The following SH3KBP1 variants were observed in gnomAD, a reference collection of about 807,000 sequenced individuals.
SH3KBP1 encodes SH3 domain-containing kinase-binding protein 1.
Under a neutral mutation model 50.1 loss-of-function variants are expected in SH3KBP1, and 8 were observed. The observed-to-expected ratio is 0.16, with a 90% CI of 0.09 to 0.29. The LOEUF is 0.29. SH3KBP1 is among the 10% of genes least tolerant of loss of function. The pLI, the probability that SH3KBP1 is intolerant of heterozygous loss-of-function variation, is 1.00. For synonymous variants in SH3KBP1, 227 were observed against 218.6 expected (o/e 1.04, Z -0.34); for missense variants, 377 against 535.2 (o/e 0.70, Z 2.92).
At chrX:19,551,062 G>A (rs1434672390) in intron 13 of SH3KBP1, among the ~76,000 whole-genome samples, 8 of 111,603 alleles carry the variant, frequency 7.2e-5, no homozygotes, top group Non-Finnish European at 1.1e-4. Flanking sequence ...TAAGTGGTCT[G>A]GCTGTATGAC....
intron 2 of SH3KBP1, among the ~76,000 whole-genome samples, chrX:19,826,725 C>T (rs1231917357): frequency 4.6e-5 from 5 of 109,838 alleles, no homozygotes; most frequent in Non-Finnish European, 9.5e-5. Flanking sequence ...CATAACATAA[C>T]ATAACATAAC....
At chrX:19,567,195 C>CTG (rs201847990) in intron 13 of SH3KBP1, among the ~76,000 whole-genome samples, 3,632 of 108,800 alleles carry the variant, frequency 0.033, 160 homozygotes, top group African/African-American at 0.11. Context: ...TATGTCTTGA[C>CTG]TGGTGGTAGA....
intron 2 of SH3KBP1, among the ~76,000 whole-genome samples, chrX:19,753,631 A>G (rs1810945805): frequency 9.0e-6 from 1 of 111,615 alleles, no homozygotes; most frequent in Non-Finnish European, 1.9e-5. Context: ...GGGAAGACAC[A>G]GCAAGTATTC....
intron 8 of SH3KBP1, among the ~76,000 whole-genome samples, chrX:19,613,412 G>A (rs1404987247): frequency 1.8e-5 from 2 of 111,877 alleles, no homozygotes; most frequent in South Asian, 3.7e-4. Flanking sequence ...TGTAGATGAC[G>A]CTTCCAGAAA....
chrX:19,616,736 T>C (rs1438642080), intron 8 of SH3KBP1, among the ~76,000 whole-genome samples: 1 of 111,253 alleles, frequency 9.0e-6, no homozygotes, highest in Non-Finnish European at 1.9e-5. Flanking sequence ...TTTTTAGGCT[T>C]TGTTACAATG....
chrX:19,624,624 T>C (rs2148232523), intron 8 of SH3KBP1, among the ~76,000 whole-genome samples: 1 of 112,176 alleles, frequency 8.9e-6, no homozygotes, highest in African/African-American at 3.2e-5. Flanking sequence ...TTTAAAACTA[T>C]GTCTGTGTGA....
intron 2 of SH3KBP1, among the ~76,000 whole-genome samples, chrX:19,779,120 A>T (rs185381281): frequency 5.5e-5 from 6 of 108,338 alleles, no homozygotes; most frequent in African/African-American, 2.0e-4. Context: ...ATATGACAAA[A>T]CCCTGTCTCT....
intron 6 of SH3KBP1, among the ~76,000 whole-genome samples, chrX:19,658,894 A>G (rs1051901043): frequency 3.6e-5 from 4 of 110,446 alleles, no homozygotes; most frequent in African/African-American, 1.3e-4. Context: ...TATTAGAAAT[A>G]ATGAGTTCAA....
chrX:19,611,565 G>C (rs945287978), intron 8 of SH3KBP1, among the ~76,000 whole-genome samples: 2 of 111,484 alleles, frequency 1.8e-5, no homozygotes, highest in African/African-American at 6.5e-5. Flanking sequence ...TGTTGGCCAG[G>C]CTGGTCTCGA....
chrX:19,578,435 C>T (rs2066271362), intron 12 of SH3KBP1, among the ~76,000 whole-genome samples: 1 of 111,778 alleles, frequency 8.9e-6, no homozygotes. Flanking sequence ...CTTATAACAT[C>T]TCAGACTTCA....
At chrX:19,665,475 C>T (rs1254276312) in intron 6 of SH3KBP1, among the ~76,000 whole-genome samples, 1 of 111,948 alleles carries the variant, frequency 8.9e-6, no homozygotes, top group Non-Finnish European at 1.9e-5. Context: ...AATTCCAGCA[C>T]ACTTTTATTT....
intron 2 of SH3KBP1, among the ~76,000 whole-genome samples, chrX:19,819,932 G>T (rs1603263739): frequency 1.8e-5 from 2 of 111,615 alleles, no homozygotes; most frequent in Middle Eastern, 9.3e-3. Flanking sequence ...TCAGTTCTAT[G>T]TGTTTGTTTA....
At chrX:19,561,867 C>G (rs772919334) in intron 13 of SH3KBP1, among the ~76,000 whole-genome samples, 2 of 104,666 alleles carry the variant, frequency 1.9e-5, no homozygotes, top group Non-Finnish European at 3.9e-5. Flanking sequence ...ACAGTATGAA[C>G]CTCAGGGAGA....
chrX:19,793,174 T>A (rs184639638), intron 2 of SH3KBP1, among the ~76,000 whole-genome samples: 1,469 of 109,233 alleles, frequency 0.013, 18 homozygotes, highest in African/African-American at 0.036. Flanking sequence ...GTTGCACACC[T>A]GTAATCCCAG....
At chrX:19,538,882 T>C (rs918290785) in intron 16 of SH3KBP1, among the ~76,000 whole-genome samples, 4 of 112,506 alleles carry the variant, frequency 3.6e-5, no homozygotes, top group Non-Finnish European at 5.6e-5. Flanking sequence ...CCACCGCACC[T>C]GGCCTATTTC....
chrX:19,672,859 C>A (rs1460736500), intron 6 of SH3KBP1, among the ~76,000 whole-genome samples: 2 of 109,159 alleles, frequency 1.8e-5, no homozygotes, highest in Non-Finnish European at 3.8e-5. Context: ...GAGTTCAAGA[C>A]CAGCCTGGCC....
chrX:19,757,007 G>A (rs762897931), intron 2 of SH3KBP1, among the ~76,000 whole-genome samples: 83 of 111,136 alleles, frequency 7.5e-4, no homozygotes, highest in African/African-American at 2.6e-3. Context: ...CCAGGTGGCC[G>A]AGGGACAGAG....
Position 19,774,710 on chromosome X carries a change from G to GA in SH3KBP1, c.163-28270dup, listed in dbSNP as rs1321157215. Among the ~76,000 whole-genome samples, 9 of 102,970 alleles carry GA rather than the reference G, an allele frequency of 8.7e-5. No individual in the cohort carries two copies. The South Asian group carries it at 1.3e-3, about 15-fold the overall frequency. The allele number at this position is 102,970 out of a possible 115,157, so 89.4% of individuals were successfully genotyped here. ...AGAAAGAAAGAAAGAAAGAAAGAAAGAAGAAACCTAAGGAAATTCTAGTTT... is the reference window on the plus strand; with the variant it reads ...AGAAAGAAAGAAAGAAAGAAAGAAAGAAAGAAACCTAAGGAAATTCTAGTTT... On this transcript the variant is annotated intron_variant, in intron 2 of 17. Coordinates refer to ENST00000397821, the MANE Select transcript of SH3KBP1 (RefSeq NM_031892.3).
chrX:19,548,844 A>AGAGAGT (rs1441691463), intron 14 of SH3KBP1, among the ~76,000 whole-genome samples: 1 of 110,547 alleles, frequency 9.0e-6, no homozygotes, highest in Non-Finnish European at 1.9e-5. Context: ...AGAGAGAGAG[A>AGAGAGT]GAAATCGAAC....
Sources: gnomAD v4.1 joint callset for allele counts (sites outside exome capture counted in the v4.1 genomes callset) on GRCh38, gnomAD v4.1.1 for gene constraint, MANE v1.5 for transcripts, NCBI Gene and HGNC (gene_info 2026-07-23, HGNC 2026-07-21) for gene names.